FNDC3B: variants seen among roughly 807,000 people sequenced by gnomAD.
FNDC3B encodes the protein fibronectin type III domain containing 3B.
A neutral mutation model predicts 151.5 loss-of-function variants in FNDC3B; 12 were observed. The ratio of observed to expected loss-of-function variants is 0.08; its 90% CI spans 0.05 to 0.13. FNDC3B has a LOEUF of 0.13. Among genes scored for constraint, FNDC3B ranks in the 10% least tolerant of loss-of-function variants. The probability of loss-of-function intolerance (pLI) is 1.00; values close to 1 mark genes in which losing one functional copy is unlikely to be tolerated. For synonymous variants in FNDC3B, 528 were observed against 549.0 expected (o/e 0.96, Z 0.54); for missense variants, 1,214 against 1,505.3 (o/e 0.81, Z 3.20).
At chr3:172,243,476 G>A (rs62281801) in intron 4 of FNDC3B, among the ~76,000 whole-genome samples, 22,301 of 152,020 alleles carry the variant, frequency 0.15, 1,734 homozygotes, top group African/African-American at 0.21. Flanking sequence ...ATGGATGGCA[G>A]CAGGCAAAAA....
At chr3:172,386,552 C>G (rs1735718576) in intron 25 of FNDC3B, among the ~76,000 whole-genome samples, 1 of 152,064 alleles carries the variant, frequency 6.6e-6, no homozygotes, top group South Asian at 2.1e-4. Flanking sequence ...ACCATCCTGG[C>G]TAACACAGTG....
At chr3:172,286,533 AGAGCCAGAG>A (rs1730027305) in intron 7 of FNDC3B, among the ~76,000 whole-genome samples, 1 of 152,222 alleles carries the variant, frequency 6.6e-6, no homozygotes, top group African/African-American at 2.4e-5. Flanking sequence ...CTGAGATTAG[AGAGCCAGAG>A]TTCTTTGGAG....
chr3:172,222,528 G>A (rs1219623355), intron 3 of FNDC3B, among the ~76,000 whole-genome samples: 1 of 152,192 alleles, frequency 6.6e-6, no homozygotes, highest in African/African-American at 2.4e-5. Context: ...GACCGTTTTT[G>A]TGGAAGACAA....
intron 1 of FNDC3B, among the ~76,000 whole-genome samples, chr3:172,085,189 C>T (rs9841998): frequency 0.63 from 96,031 of 152,048 alleles, 30,561 homozygotes; most frequent in East Asian, 0.78. Flanking sequence ...ATTTGTAAAG[C>T]TGGGCTTCAG....
chr3:172,040,457 C>CT lies in FNDC3B; in HGVS notation c.-29+686_-29+687insT, dbSNP rs1198285832. ...CGCCCCGCTGCTGGCCACCTCCGAG[C>CT]ACGCCACGTCCTCCTCCCCGTCCTG... On this transcript the variant is annotated intron_variant, in intron 1 of 25. Coordinates refer to ENST00000415807, the MANE Select transcript of FNDC3B (RefSeq NM_022763.4). The surrounding 1 kb of genome is among the most constrained non-coding windows in gnomAD (Gnocchi z 6.6). 2 of 152,040 alleles carry CT rather than the reference C, an allele frequency of 1.3e-5. No individual in the cohort carries two copies. Among genetic ancestry groups the CT allele is most frequent in the Non-Finnish European group, 2.9e-5 (2 of 68,072 alleles). 9.4% of individuals were successfully genotyped at this position (152,040 alleles called of 1,614,324 possible).
chr3:172,205,219 T>G (rs190436853), intron 3 of FNDC3B, among the ~76,000 whole-genome samples: 38 of 152,320 alleles, frequency 2.5e-4, no homozygotes, highest in African/African-American at 8.7e-4. Context: ...CTGGGTATTC[T>G]TATCCAGGAC....
intron 1 of FNDC3B, among the ~76,000 whole-genome samples, chr3:172,070,858 C>T (rs564487438): frequency 6.6e-6 from 1 of 152,260 alleles, no homozygotes; most frequent in South Asian, 2.1e-4. Flanking sequence ...CATATTATTT[C>T]ATCCTTCAAT....
chr3:172,150,932 C>T (rs1246557561), intron 3 of FNDC3B, among the ~76,000 whole-genome samples: 1 of 151,978 alleles, frequency 6.6e-6, no homozygotes, highest in Admixed American at 6.6e-5. Flanking sequence ...TAAAAAATAA[C>T]AAATCTACAT....
At chr3:172,347,980 A>G (rs537407036) in intron 21 of FNDC3B, among the ~76,000 whole-genome samples, 1 of 152,282 alleles carries the variant, frequency 6.6e-6, no homozygotes, top group South Asian at 2.1e-4. Context: ...TCTTGGCTAT[A>G]TTATTATTTT....
At chr3:172,164,065 T>G (rs1194850307) in intron 3 of FNDC3B, among the ~76,000 whole-genome samples, 1 of 152,212 alleles carries the variant, frequency 6.6e-6, no homozygotes, top group Non-Finnish European at 1.5e-5. Flanking sequence ...CAAAGAAAAG[T>G]GGACATTGGG....
At position 172,050,729 on chromosome 3, in the gene FNDC3B, GTGTGTA is replaced by G. The variant is rs1451128113; in HGVS notation, c.-29+10960_-29+10965del. Among the ~76,000 whole-genome samples, 3 of 148,244 alleles carry G rather than the reference GTGTGTA, an allele frequency of 2.0e-5. No individual in the cohort carries two copies. In the East Asian group the frequency reaches 6.0e-4, roughly 30 times the overall value. On this transcript the variant is annotated intron_variant, in intron 1 of 25. Coordinates refer to ENST00000415807, the MANE Select transcript of FNDC3B (RefSeq NM_022763.4). Reference sequence around the variant, plus strand: ...TGTGTGTGTGTGTGTGTGTGTGTGTGTGTGTATAGTGTGTATATATACTATATATAC... The same window carrying G: ...TGTGTGTGTGTGTGTGTGTGTGTGTGTAGTGTGTATATATACTATATATAC...
intron 23 of FNDC3B, among the ~76,000 whole-genome samples, chr3:172,367,106 A>T (rs1472254239): frequency 6.6e-6 from 1 of 152,188 alleles, no homozygotes; most frequent in Non-Finnish European, 1.5e-5. Context: ...CCCCCCTGGG[A>T]TAGGACATTT....
intron 4 of FNDC3B, among the ~76,000 whole-genome samples, chr3:172,231,812 G>A (rs1726904436): frequency 6.6e-6 from 1 of 150,900 alleles, no homozygotes; most frequent in Admixed American, 6.6e-5. Flanking sequence ...GGTGTGTGTT[G>A]TGCCTACTTA....
intron 3 of FNDC3B, among the ~76,000 whole-genome samples, chr3:172,157,033 G>GT (rs1722522197): frequency 6.6e-6 from 1 of 152,152 alleles, no homozygotes; most frequent in Non-Finnish European, 1.5e-5. Flanking sequence ...AGGGGATTGT[G>GT]TAACTTAATT....
chr3:172,355,786 A>G (rs1734067393), intron 22 of FNDC3B, among the ~76,000 whole-genome samples: 2 of 152,158 alleles, frequency 1.3e-5, no homozygotes, highest in Admixed American at 1.3e-4. Context: ...TCATTAGCAC[A>G]GGTTTTCTAT....
At chr3:172,217,163 C>A (rs923030882) in intron 3 of FNDC3B, among the ~76,000 whole-genome samples, 1 of 152,208 alleles carries the variant, frequency 6.6e-6, no homozygotes, top group African/African-American at 2.4e-5. Context: ...CTGGCAGTTA[C>A]GTTGGGTTCA....
At chr3:172,228,315 CCTG>C (rs1434218228) in intron 4 of FNDC3B, among the ~76,000 whole-genome samples, 4 of 152,188 alleles carry the variant, frequency 2.6e-5, no homozygotes, top group Non-Finnish European at 5.9e-5. Context: ...CATTATGTCT[CCTG>C]CTCATGTATT....
At chr3:172,250,267 T>C (rs1416554051) in intron 5 of FNDC3B, among the ~76,000 whole-genome samples, 5 of 152,220 alleles carry the variant, frequency 3.3e-5, no homozygotes, top group Non-Finnish European at 4.4e-5. Context: ...TCTTGCCTTC[T>C]ATTACTCCAA....
At chr3:172,146,851 T>C (rs1721937429) in intron 3 of FNDC3B, among the ~76,000 whole-genome samples, 1 of 152,232 alleles carries the variant, frequency 6.6e-6, no homozygotes, top group Admixed American at 6.5e-5. Flanking sequence ...GACAGAAATA[T>C]GAGTTACTGC....
Sources: gnomAD v4.1 joint callset for allele counts (sites outside exome capture counted in the v4.1 genomes callset) on GRCh38, gnomAD v4.1.1 for gene constraint, Gnocchi (gnomAD v3.1) non-coding constraint, MANE v1.5 for transcripts, NCBI Gene and HGNC (gene_info 2026-07-23, HGNC 2026-07-21) for gene names.